The following HOXD11 variants were observed in gnomAD, a reference collection of about 807,000 sequenced individuals.
HOXD11 encodes the protein homeobox D11, also known as homeobox protein Hox-D11.
HOXD11 carries 16 observed loss-of-function variants against 23.1 expected under a neutral mutation model. That is an observed-to-expected ratio of 0.69 (90% CI 0.47 to 1.05). The LOEUF (loss-of-function observed/expected upper bound fraction) is 1.05, where lower values mean the gene tolerates loss of function less well. HOXD11 is among the 50% of genes least tolerant of loss of function. HOXD11 has a pLI of 0.00. For synonymous variants in HOXD11, 262 were observed against 224.4 expected, an observed-to-expected ratio of 1.17 and a Z score of -1.50; for missense variants, 564 against 495.6, an observed-to-expected ratio of 1.14 and a Z score of -1.31.
At position 176,107,682 on chromosome 2, in the gene HOXD11, G is replaced by C. The variant is rs1214281349; in HGVS notation, c.327G>C (p.Ala109=). The C allele has an allele frequency of 9.1e-6, 9 of 991,800 alleles. No homozygotes were observed. The highest frequency in any genetic ancestry group is 1.1e-5 in the Non-Finnish European group (9 of 836,560). The allele number at this position is 991,800 out of a possible 1,614,324, so 61.4% of individuals were successfully genotyped here. A position where few individuals can be genotyped will look rare whatever the true frequency, so the allele number is the denominator to read the frequency against. ...GGGGCTACGCTCCCTACTACGCGGC[G>C]GCGGCGGCGGCGGCTGCGGCGGCCG... ...GAGGYAPYYA[A]AAAAAAAAAA... Residue 109 remains alanine, a synonymous_variant, in exon 1 of 2, where the codon GCG becomes GCC. Transcript: ENST00000249504.
chr2:176,107,469 G>A lies in HOXD11; in HGVS notation c.114G>A (p.Pro38=). The change falls in exon 1 of 2, where the codon CCG becomes CCA. Residue 38 remains proline (P), a synonymous_variant. Transcript: ENST00000249504. ...FASKPSFLSQ[P]SSCQMTFPYS... ...GCAAGCCTTCGTTCCTTTCCCAACCGTCGTCCTGCCAGATGACTTTCCCCT... is the reference window on the plus strand; with the variant it reads ...GCAAGCCTTCGTTCCTTTCCCAACCATCGTCCTGCCAGATGACTTTCCCCT... The A allele has an allele frequency of 6.2e-7, 1 of 1,613,984 alleles. No individual in the cohort carries two copies.
In HOXD11 at chr2:176,108,047, G is replaced by A. The variant is rs1244515213; in HGVS notation, c.692G>A (p.Gly231Asp). 3 of 1,491,026 alleles carry A rather than the reference G, an allele frequency of 2.0e-6. No homozygotes were observed. Among genetic ancestry groups the A allele is most frequent in the Non-Finnish European group, 2.7e-6 (3 of 1,126,396 alleles). 92.4% of individuals were successfully genotyped at this position (1,491,026 alleles called of 1,614,324 possible). A position where few individuals can be genotyped will look rare whatever the true frequency, so the allele number is the denominator to read the frequency against. The stretch of plus-strand genomic sequence containing the variant: ...AGTCCCTGCACCAAGGCGACCCCTG[G>A]CTCGGAGCCCAAGGGGGCAGCAGAA... Reference protein sequence around the residue: ...GGSPCTKATPGSEPKGAAEGS... With the variant: ...GGSPCTKATPDSEPKGAAEGS... The change falls in exon 1 of 2, where the codon GGC becomes GAC. Residue 231 changes from glycine (G) to aspartate (D), a missense_variant. Gly to Asp is a moderately conservative substitution (Grantham distance 94). Coordinates refer to ENST00000249504, the MANE Select transcript of HOXD11 (RefSeq NM_021192.3).
chr2:176,111,757 T>C (rs1289677982), downstream of HOXD11, among the ~76,000 whole-genome samples: 1 of 147,452 alleles, frequency 6.8e-6, no homozygotes, highest in Non-Finnish European at 1.5e-5. Flanking sequence ...AAATCAGTTT[T>C]CTTGGTTTCA....
At chr2:176,114,402 G>A (rs773281990), downstream of HOXD11, among the ~76,000 whole-genome samples, 2 of 152,180 alleles carry the variant, frequency 1.3e-5, no homozygotes, top group African/African-American at 2.4e-5. Flanking sequence ...GAAAGGTAAT[G>A]TTTAAACCCC....
chr2:176,111,826 CAAAAA>C (rs1176283938), downstream of HOXD11, among the ~76,000 whole-genome samples: 14 of 22,740 alleles, frequency 6.2e-4, no homozygotes, highest in South Asian at 2.5e-3. Flanking sequence ...CTCCCCCCCG[CAAAAA>C]AAAAAAAAAA....
At chr2:176,112,756 G>A (rs1180774683), downstream of HOXD11, among the ~76,000 whole-genome samples, 2 of 152,254 alleles carry the variant, frequency 1.3e-5, no homozygotes, top group African/African-American at 4.8e-5. Flanking sequence ...ACATCTGGCT[G>A]TGCGGGGGCC....
rs755676562 is a variant in HOXD11 at position 176,107,499 on chromosome 2, T to C, written c.144T>C (p.Ser48=). 2 of 1,613,578 alleles carry C rather than the reference T, an allele frequency of 1.2e-6. No homozygotes were observed. Among genetic ancestry groups the C allele is most frequent in the Non-Finnish European group, 1.7e-6 (2 of 1,179,818 alleles). The change falls in exon 1 of 2, where the codon TCT becomes TCC. Residue 48 remains serine, a synonymous_variant. Coordinates refer to ENST00000249504, the MANE Select transcript of HOXD11 (RefSeq NM_021192.3). ...PSSCQMTFPY[S]SNLAPHVQPV... is the part of the protein sequence containing the mutation. ...CCTGCCAGATGACTTTCCCCTACTC[T>C]TCCAACCTGGCTCCGCACGTCCAGC...
intron 1 of HOXD11, among the ~76,000 whole-genome samples, chr2:176,108,544 A>C (rs1389900341): frequency 6.6e-6 from 1 of 151,774 alleles, no homozygotes; most frequent in Admixed American, 6.5e-5. Flanking sequence ...CCGCTAGCTG[A>C]CGCGCGCCGC....
chr2:176,107,496 C>T lies in HOXD11; in HGVS notation c.141C>T (p.Tyr47=). Residue 47 remains tyrosine (Y), a synonymous_variant, in exon 1 of 2, where the codon TAC becomes TAT. Transcript: ENST00000249504. ...QPSSCQMTFP[Y]SSNLAPHVQP... is the part of the protein sequence containing the mutation. Reference sequence around the variant, plus strand: ...CGTCCTGCCAGATGACTTTCCCCTACTCTTCCAACCTGGCTCCGCACGTCC... The same window carrying T: ...CGTCCTGCCAGATGACTTTCCCCTATTCTTCCAACCTGGCTCCGCACGTCC... 4 of 1,613,944 alleles carry T rather than the reference C, an allele frequency of 2.5e-6. No individual in the cohort carries two copies. The South Asian group carries it at 4.4e-5, about 18-fold the overall frequency.
At chr2:176,108,178 CGGGGGAGGGGGGGGG>C in intron 1 of HOXD11, 42 bp downstream of exon 1, 1 of 12,664 alleles carries the variant, frequency 7.9e-5, no homozygotes, top group Non-Finnish European at 1.2e-4. Flanking sequence ...CCGGGGGCCG[CGGGGGAGGGGGGGGG>C]GGCGGAGGCC....
In HOXD11 at chr2:176,107,493, C is replaced by T. The variant is rs1689594665; in HGVS notation, c.138C>T (p.Pro46=). 8.7e-6 allele frequency: 14 copies of T among 1,613,992 alleles called. No individual in the cohort carries two copies. Among genetic ancestry groups the T allele is most frequent in the East Asian group, 4.5e-5 (2 of 44,840 alleles). Residue 46 remains proline, a synonymous_variant, in exon 1 of 2, where the codon CCC becomes CCT. Transcript: ENST00000249504. ...SQPSSCQMTF[P]YSSNLAPHVQ... ...CGTCGTCCTGCCAGATGACTTTCCCCTACTCTTCCAACCTGGCTCCGCACG... is the reference window on the plus strand; with the variant it reads ...CGTCGTCCTGCCAGATGACTTTCCCTTACTCTTCCAACCTGGCTCCGCACG...
Position 176,107,881 on chromosome 2 carries a change from C to T in HOXD11, c.526C>T (p.Gln176Ter), listed in dbSNP as rs1373228789. ...GGTGGGCCGCAATGGCATCTTGCCA[C>T]AGGGCTTCGACCAGTTCTACGAGGC... ...SAVGRNGILPQGFDQFYEAAP... is the reference protein window; with the variant it reads ...SAVGRNGILP Residue 176 changes from glutamine to a stop codon, truncating the protein, a stop_gained, in exon 1 of 2, where the codon CAG becomes TAG. Transcript: ENST00000249504. LOFTEE classifies it high-confidence loss of function. 6.9e-7 allele frequency: 1 copy of T among 1,455,392 alleles called. No homozygotes were observed. Among genetic ancestry groups the T allele is most frequent in the South Asian group, 1.3e-5 (1 of 75,440 alleles). 90.2% of individuals were successfully genotyped at this position (1,455,392 alleles called of 1,614,324 possible). A position where few individuals can be genotyped will look rare whatever the true frequency, so the allele number is the denominator to read the frequency against.
Position 176,108,137 on chromosome 2 carries a change from G to T in HOXD11, c.781+1G>T. The T allele has an allele frequency of 7.4e-7, 1 of 1,343,626 alleles. No homozygotes were observed. The highest frequency in any genetic ancestry group is 9.5e-7 in the Non-Finnish European group (1 of 1,049,632). The allele number at this position is 1,343,626 out of a possible 1,614,324, so 83.2% of individuals were successfully genotyped here. A position where few individuals can be genotyped will look rare whatever the true frequency, so the allele number is the denominator to read the frequency against. On this transcript the variant is annotated splice_donor_variant, in intron 1 of 1. Transcript: ENST00000249504. LOFTEE classifies it high-confidence loss of function. Reference sequence around the variant, plus strand: ...GGGGCCGAGAAGAGCAGCAGCGCAGGTAGGCACCGGGTACTGGGCAAGCGG... The same window carrying T: ...GGGGCCGAGAAGAGCAGCAGCGCAGTTAGGCACCGGGTACTGGGCAAGCGG...
Position 176,109,480 on chromosome 2 carries a change from T to C in HOXD11, c.*338T>C, listed in dbSNP as rs1039729934. ...GAAGTTGGGCCGGGTTGGGGGTTGC[T>C]AGAAGGCGCTGGTGTTTTGCTCTGA... On this transcript the variant is annotated 3_prime_UTR_variant, in exon 2 of 2. Coordinates refer to ENST00000249504, the MANE Select transcript of HOXD11 (RefSeq NM_021192.3). 1.6e-5 allele frequency: 5 copies of C among 307,818 alleles called. No individual in the cohort carries two copies. The highest frequency in any genetic ancestry group is 3.0e-5 in the Non-Finnish European group (5 of 165,016). The allele number at this position is 307,818 out of a possible 1,614,324, so 19.1% of individuals were successfully genotyped here. A position where few individuals can be genotyped will look rare whatever the true frequency, so the allele number is the denominator to read the frequency against.
intron 1 of HOXD11, 117 bp downstream of exon 1, chr2:176,108,253 G>T (rs889572022): frequency 3.0e-6 from 2 of 665,124 alleles, no homozygotes; most frequent in Admixed American, 4.2e-5. Flanking sequence ...ATTCGAAGAG[G>T]TTTATACATC....
downstream of HOXD11, chr2:176,111,600 A>G (rs1405663230): frequency 1.3e-5 from 2 of 151,440 alleles, no homozygotes; most frequent in Admixed American, 1.3e-4. Context: ...TAGATTCACG[A>G]AACAGCCTAA....
At chr2:176,112,442 G>T (rs905789252), downstream of HOXD11, among the ~76,000 whole-genome samples, 9 of 152,182 alleles carry the variant, frequency 5.9e-5, no homozygotes, top group African/African-American at 1.4e-4. Flanking sequence ...CAGAATTAGC[G>T]CTGGCCTTGT....
At chr2:176,112,044 C>T (rs554838899), downstream of HOXD11, among the ~76,000 whole-genome samples, 2 of 152,166 alleles carry the variant, frequency 1.3e-5, no homozygotes, top group South Asian at 2.1e-4. Flanking sequence ...CGAGTGGCGC[C>T]GGCAGGACTG....
rs1436876710 is a variant in HOXD11 at position 176,107,900 on chromosome 2, A to G, written c.545A>G (p.Tyr182Cys). 1.7e-5 allele frequency: 24 copies of G among 1,445,062 alleles called. No homozygotes were observed. In the East Asian group the frequency reaches 7.2e-4, roughly 44 times the overall value. 89.5% of individuals were successfully genotyped at this position (1,445,062 alleles called of 1,614,324 possible). A position where few individuals can be genotyped will look rare whatever the true frequency, so the allele number is the denominator to read the frequency against. Reference sequence around the variant, plus strand: ...TTGCCACAGGGCTTCGACCAGTTCTACGAGGCAGCGCCCGGGCCCCCGTTC... The same window carrying G: ...TTGCCACAGGGCTTCGACCAGTTCTGCGAGGCAGCGCCCGGGCCCCCGTTC... Reference protein sequence around the residue: ...GILPQGFDQFYEAAPGPPFAG... With the variant: ...GILPQGFDQFCEAAPGPPFAG... The change falls in exon 1 of 2, where the codon TAC becomes TGC. Residue 182 changes from tyrosine to cysteine, a missense_variant. Physicochemically the swap from Tyr to Cys is radical, Grantham distance 194. Transcript: ENST00000249504.
Sources: allele counts gnomAD v4.1 joint callset (sites outside exome capture counted in the v4.1 genomes callset), GRCh38; gene constraint gnomAD v4.1.1; transcripts MANE v1.5; gene names NCBI Gene and HGNC (gene_info 2026-07-23, HGNC 2026-07-21).